NALF1: variants seen among roughly 807,000 people sequenced by gnomAD.
The protein encoded by NALF1 is NALCN channel auxiliary factor 1, also known as family with sequence similarity 155 member A.
In NALF1, 3 loss-of-function variants were observed where a neutral mutation model predicts 48.4. The ratio of observed to expected loss-of-function variants is 0.06; its 90% CI spans 0.03 to 0.16. NALF1 has a LOEUF of 0.16. Ranked by LOEUF, NALF1 falls within the 10% of genes least tolerant of loss-of-function variation. The pLI is 1.00. For missense variants in NALF1, 526 were observed against 571.5 expected, an observed-to-expected ratio of 0.92 and a Z score of 0.81; for synonymous variants, 262 against 245.7, an observed-to-expected ratio of 1.07 and a Z score of -0.62.
chr13:107,556,209 G>A (rs1392190121), intron 1 of NALF1, among the ~76,000 whole-genome samples: 3 of 149,088 alleles, frequency 2.0e-5, no homozygotes, highest in Non-Finnish European at 4.4e-5. Flanking sequence ...CACAGATGTG[G>A]GACTGATAGT....
intron 1 of NALF1, among the ~76,000 whole-genome samples, chr13:107,496,306 TG>T (rs1303173819): frequency 2.0e-5 from 3 of 152,204 alleles, no homozygotes; most frequent in Non-Finnish European, 4.4e-5. Flanking sequence ...GACAAACAGC[TG>T]GTCTCCCAAA....
intron 1 of NALF1, among the ~76,000 whole-genome samples, chr13:107,304,106 T>C (rs1464660546): frequency 3.3e-5 from 5 of 152,118 alleles, no homozygotes; most frequent in African/African-American, 1.2e-4. Flanking sequence ...AAAAATCCAA[T>C]TTGGTTATAT....
chr13:107,444,389 T>C (rs1381611726), intron 1 of NALF1, among the ~76,000 whole-genome samples: 6 of 152,176 alleles, frequency 3.9e-5, no homozygotes, highest in East Asian at 1.9e-4. Context: ...TCCACAAATA[T>C]CAGGAGATTG....
intron 1 of NALF1, among the ~76,000 whole-genome samples, chr13:107,715,477 T>C (rs1249052411): frequency 6.6e-6 from 1 of 152,142 alleles, no homozygotes; most frequent in East Asian, 1.9e-4. Context: ...GCTGGGATTA[T>C]AGGCGTGAGC....
At chr13:107,549,817 C>T (rs1334407066) in intron 1 of NALF1, among the ~76,000 whole-genome samples, 1 of 151,964 alleles carries the variant, frequency 6.6e-6, no homozygotes, top group African/African-American at 2.4e-5. Context: ...TCCTCAATTT[C>T]CCACTAACAT....
At chr13:107,266,444 G>A (rs1177154770) in intron 1 of NALF1, among the ~76,000 whole-genome samples, 4 of 152,120 alleles carry the variant, frequency 2.6e-5, no homozygotes, top group East Asian at 3.9e-4. Context: ...ACACCGTCAC[G>A]CAAACATTCA....
At chr13:107,630,443 T>C (rs1285910786) in intron 1 of NALF1, among the ~76,000 whole-genome samples, 5 of 152,032 alleles carry the variant, frequency 3.3e-5, no homozygotes, top group Admixed American at 6.6e-5. Context: ...GTCCAGCAAA[T>C]TGCATTACAC....
chr13:107,537,597 C>A (rs566725076), intron 1 of NALF1, among the ~76,000 whole-genome samples: 1 of 152,064 alleles, frequency 6.6e-6, no homozygotes, highest in Admixed American at 6.6e-5. Flanking sequence ...ACCATCCAGA[C>A]AATAAGAATG....
intron 1 of NALF1, among the ~76,000 whole-genome samples, chr13:107,251,384 A>G (rs1301151821): frequency 6.6e-6 from 1 of 152,162 alleles, no homozygotes; most frequent in Non-Finnish European, 1.5e-5. Context: ...TTACAAGATG[A>G]AAATTTCCAT....
intron 1 of NALF1, among the ~76,000 whole-genome samples, chr13:107,259,069 C>T (rs1025763527): frequency 2.2e-4 from 34 of 152,212 alleles, no homozygotes; most frequent in African/African-American, 7.2e-4. Context: ...TACATTTCCA[C>T]GATTACATCT....
intron 1 of NALF1, among the ~76,000 whole-genome samples, chr13:107,591,854 C>A (rs2138417992): frequency 6.6e-6 from 1 of 152,042 alleles, no homozygotes; most frequent in East Asian, 1.9e-4. Flanking sequence ...CAAAGAAGGA[C>A]TCTTATTTCT....
chr13:107,211,416 C>G lies in NALF1; in HGVS notation c.916-661G>C, dbSNP rs555718950. On this transcript the variant is annotated intron_variant, in intron 1 of 2. Transcript: ENST00000375915. ...AGTAGGAGGGAAGCCTCATCAGAGC[C>G]ACAGCTTCAACCTTCTGGATGATGT... Among the ~76,000 whole-genome samples, 25 of 152,304 alleles carry G rather than the reference C, an allele frequency of 1.6e-4. No individual in the cohort carries two copies. The South Asian group carries it at 4.8e-3, about 29-fold the overall frequency.
intron 1 of NALF1, among the ~76,000 whole-genome samples, chr13:107,397,040 T>G (rs566069107): frequency 7.4e-4 from 113 of 152,250 alleles, no homozygotes; most frequent in Non-Finnish European, 1.4e-3. Flanking sequence ...GCACTACCCT[T>G]GGTGGAAGGT....
At chr13:107,850,320 A>G (rs1880275146) in intron 1 of NALF1, among the ~76,000 whole-genome samples, 1 of 152,252 alleles carries the variant, frequency 6.6e-6, no homozygotes, top group Non-Finnish European at 1.5e-5. Context: ...ATATTTAAAA[A>G]GACAGAAGAA....
At chr13:107,697,498 G>A (rs1015569650) in intron 1 of NALF1, among the ~76,000 whole-genome samples, 1 of 151,960 alleles carries the variant, frequency 6.6e-6, no homozygotes, top group Non-Finnish European at 1.5e-5. Flanking sequence ...ATTCAATTGT[G>A]TTTTTCACCT....
chr13:107,516,289 G>A (rs1211948293), intron 1 of NALF1, among the ~76,000 whole-genome samples: 1 of 152,140 alleles, frequency 6.6e-6, no homozygotes, highest in African/African-American at 2.4e-5. Flanking sequence ...CAGAATAAAG[G>A]CCATATAAAC....
chr13:107,722,729 T>C (rs565060574), intron 1 of NALF1, among the ~76,000 whole-genome samples: 35 of 152,278 alleles, frequency 2.3e-4, no homozygotes, highest in South Asian at 2.3e-3. Flanking sequence ...CACCCCTCAT[T>C]TCCATCTGTA....
chr13:107,717,705 G>T (rs1252187537), intron 1 of NALF1, among the ~76,000 whole-genome samples: 5 of 151,996 alleles, frequency 3.3e-5, no homozygotes, highest in African/African-American at 1.2e-4. Context: ...CCTTCTGAAA[G>T]CCAGGAGTGG....
At chr13:107,239,298 C>T (rs879290156) in intron 1 of NALF1, among the ~76,000 whole-genome samples, 2 of 152,112 alleles carry the variant, frequency 1.3e-5, no homozygotes, top group Non-Finnish European at 1.5e-5. Context: ...AGCTAATGTT[C>T]GGTGCCGCTC....
Sources: gnomAD v4.1 joint callset for allele counts (sites outside exome capture counted in the v4.1 genomes callset) on GRCh38, gnomAD v4.1.1 for gene constraint, MANE v1.5 for transcripts, NCBI Gene and HGNC (gene_info 2026-07-23, HGNC 2026-07-21) for gene names.